Variants in ANKS6 observed in about 807,000 individuals in gnomAD.
The protein encoded by ANKS6 is ankyrin repeat and SAM domain-containing protein 6.
Under a neutral mutation model 77.9 loss-of-function variants are expected in ANKS6, and 47 were observed. The observed-to-expected ratio is 0.60, with a 90% CI of 0.48 to 0.77. ANKS6 has a LOEUF of 0.77. ANKS6 is among the 30% of genes least tolerant of loss of function. ANKS6 has a pLI of 0.00. For synonymous variants in ANKS6, 488 were observed against 501.7 expected (o/e 0.97, Z 0.37); for missense variants, 1,150 against 1,159.1 (o/e 0.99, Z 0.11).
chr9:98,783,300 G>A (rs1361471094), intron 4 of ANKS6, among the ~76,000 whole-genome samples: 1 of 152,086 alleles, frequency 6.6e-6, no homozygotes, highest in African/African-American at 2.4e-5. Context: ...AAGACTCATC[G>A]AATAAGAAAA....
intron 13 of ANKS6, among the ~76,000 whole-genome samples, chr9:98,748,837 TA>T (rs1832282084): frequency 6.6e-6 from 1 of 152,208 alleles, no homozygotes; most frequent in African/African-American, 2.4e-5. Flanking sequence ...TGAAAATTAT[TA>T]GTCTGTCTTT....
chr9:98,732,142 C>A lies in ANKS6; in HGVS notation c.*4377G>T. On this transcript the variant is annotated 3_prime_UTR_variant, in exon 15 of 15. Transcript: ENST00000353234. ...AGGACAGCGACAGGATGGTGCTTCA[C>A]AGTGCCTCCTGCTGATGGCACCTTC... 1 of 305,324 alleles carries A rather than the reference C, an allele frequency of 3.3e-6. No individual in the cohort carries two copies. Among genetic ancestry groups the A allele is most frequent in the Admixed American group, 4.7e-5 (1 of 21,148 alleles). 18.9% of individuals were successfully genotyped at this position (305,324 alleles called of 1,614,324 possible).
chr9:98,786,039 C>T (rs769676761), intron 2 of ANKS6, among the ~76,000 whole-genome samples: 19 of 152,094 alleles, frequency 1.2e-4, no homozygotes, highest in Non-Finnish European at 2.6e-4. Flanking sequence ...AGTGCAGTGG[C>T]GTGATCTTGG....
At chr9:98,749,477 CACA>C (rs1832314712) in intron 13 of ANKS6, among the ~76,000 whole-genome samples, 1 of 152,200 alleles carries the variant, frequency 6.6e-6, no homozygotes, top group Non-Finnish European at 1.5e-5. Context: ...GCTGGACAAC[CACA>C]ACAACCTCTG....
At chr9:98,741,764 C>T (rs1208087896) in intron 14 of ANKS6, among the ~76,000 whole-genome samples, 1 of 152,156 alleles carries the variant, frequency 6.6e-6, no homozygotes, top group Non-Finnish European at 1.5e-5. Context: ...ACGTGGCTTG[C>T]AGGCTGAGGG....
At chr9:98,742,644 A>G (rs2131927848) in intron 14 of ANKS6, among the ~76,000 whole-genome samples, 1 of 152,198 alleles carries the variant, frequency 6.6e-6, no homozygotes, top group East Asian at 1.9e-4. Flanking sequence ...CTGACTTTGC[A>G]GGGTGGATGC....
intron 4 of ANKS6, among the ~76,000 whole-genome samples, chr9:98,782,889 C>T (rs1246779653): frequency 6.6e-6 from 1 of 152,054 alleles, no homozygotes; most frequent in Non-Finnish European, 1.5e-5. Flanking sequence ...TTGAGACCAG[C>T]CTGGGCAACA....
chr9:98,741,889 T>C (rs1246732745), intron 14 of ANKS6, among the ~76,000 whole-genome samples: 1 of 152,246 alleles, frequency 6.6e-6, no homozygotes, highest in East Asian at 1.9e-4. Flanking sequence ...AAATGCTCAA[T>C]CTTATTGATT....
rs1831395687 is a variant in ANKS6 at position 98,734,713 on chromosome 9, C to T, written c.*1806G>A. 1 of 948,160 alleles carries T rather than the reference C, an allele frequency of 1.1e-6. No homozygotes were observed. Among genetic ancestry groups the T allele is most frequent in the African/African-American group, 1.8e-5 (1 of 56,502 alleles). 58.7% of individuals were successfully genotyped at this position (948,160 alleles called of 1,614,324 possible). On this transcript the variant is annotated 3_prime_UTR_variant, in exon 15 of 15. Transcript: ENST00000353234. The stretch of plus-strand genomic sequence containing the variant: ...TTCCCGAATGTGCAAGATGAGGTTA[C>T]ACAATGCCACCTCCAGGGTGGCCAT...
chr9:98,778,087 C>G, intron 7 of ANKS6, 139 bp downstream of exon 7: 8 of 1,043,946 alleles, frequency 7.7e-6, no homozygotes, highest in Non-Finnish European at 9.5e-6. Flanking sequence ...ATCTTTTCCA[C>G]CAGACCAGCC....
At position 98,769,167 on chromosome 9, in the gene ANKS6, G is replaced by A. The variant is rs117800125; in HGVS notation, c.1973-917C>T. On this transcript the variant is annotated intron_variant, in intron 10 of 14. Transcript: ENST00000353234. ...AGAAAGAAAGAAAGAAAAGAAAACA[G>A]TGATAATACCCAGGGCTGGGGGGTG... Among the ~76,000 whole-genome samples the A allele has an allele frequency of 7.1e-3, 1,073 of 151,542 alleles. 8 individuals carry two copies. Among genetic ancestry groups the A allele is most frequent in the Middle Eastern group, 0.01 (3 of 292 alleles).
chr9:98,790,446 G>A lies in ANKS6; in HGVS notation c.520C>T (p.His174Tyr). 2 of 1,613,828 alleles carry A rather than the reference G, an allele frequency of 1.2e-6. No homozygotes were observed. The highest frequency in any genetic ancestry group is 2.2e-5 in the South Asian group (2 of 91,072). The change falls in exon 2 of 15, where the codon CAC (histidine) becomes TAC (tyrosine). Residue 174 changes from histidine to tyrosine, a missense_variant. Physicochemically the swap from His to Tyr is moderately conservative, Grantham distance 83. Coordinates refer to ENST00000353234, the MANE Select transcript of ANKS6 (RefSeq NM_173551.5). ...LEAGAFVDHH[H>Y]PSGEQLGLGG... The stretch of plus-strand genomic sequence containing the variant: ...AACCCCAGTTGCTCGCCTGAAGGGT[G>A]GTGATGGTCCACAAAGGCACCGGCT...
intron 1 of ANKS6, 165 bp downstream of exon 1, chr9:98,795,968 C>T: frequency 1.4e-6 from 1 of 701,986 alleles, no homozygotes. Context: ...AAAGTGTTTC[C>T]ACGTCTATGC....
intron 13 of ANKS6, among the ~76,000 whole-genome samples, chr9:98,749,089 T>G (rs1041685986): frequency 3.9e-5 from 6 of 152,136 alleles, no homozygotes; most frequent in African/African-American, 1.4e-4. Flanking sequence ...AGGAAAACAC[T>G]GGGTTGTGGG....
chr9:98,745,546 CAG>C lies in ANKS6; in HGVS notation c.2511+11_2511+12del. 1.2e-6 allele frequency: 2 copies of C among 1,604,714 alleles called. No homozygotes were observed. Among genetic ancestry groups the C allele is most frequent in the Admixed American group, 1.7e-5 (1 of 60,024 alleles). On this transcript the variant is annotated intron_variant, in intron 14 of 14. Coordinates refer to ENST00000353234, the MANE Select transcript of ANKS6 (RefSeq NM_173551.5). ...GTCTGAAACACGGAAATACAAGAAACAGAGAACGGTACCTTGCCTGCGTTCAG... is the reference window on the plus strand; with the variant it reads ...GTCTGAAACACGGAAATACAAGAAACAGAACGGTACCTTGCCTGCGTTCAG...
At chr9:98,754,418 G>A (rs967479764) in intron 12 of ANKS6, among the ~76,000 whole-genome samples, 8 of 152,004 alleles carry the variant, frequency 5.3e-5, no homozygotes, top group Admixed American at 5.2e-4. Context: ...GAGGCGGGCG[G>A]ATCACGAGGT....
chr9:98,753,845 T>C (rs935696768), intron 12 of ANKS6, among the ~76,000 whole-genome samples: 21 of 152,094 alleles, frequency 1.4e-4, no homozygotes, highest in African/African-American at 5.1e-4. Context: ...GAGTAAAAAA[T>C]ACATTTTAAG....
In ANKS6 at chr9:98,774,098, A is replaced by T; in HGVS notation, c.1618-18T>A. 7.0e-7 allele frequency: 1 copy of T among 1,434,726 alleles called. No homozygotes were observed. The highest frequency in any genetic ancestry group is 9.2e-7 in the Non-Finnish European group (1 of 1,088,526). 88.9% of individuals were successfully genotyped at this position (1,434,726 alleles called of 1,614,324 possible). ...TTTCGAAGCTGAAAAAGACAGGCTG[A>T]GGGTTAGACAAGCCCCCAGGAGGGC... On this transcript the variant is annotated intron_variant, in intron 8 of 14. Transcript: ENST00000353234.
chr9:98,743,092 G>A (rs1027233526), intron 14 of ANKS6, among the ~76,000 whole-genome samples: 1 of 152,166 alleles, frequency 6.6e-6, no homozygotes, highest in African/African-American at 2.4e-5. Flanking sequence ...TTGCCATCTG[G>A]TGGCATCAGC....
Sources: allele counts gnomAD v4.1 joint callset (sites outside exome capture counted in the v4.1 genomes callset), GRCh38; gene constraint gnomAD v4.1.1; transcripts MANE v1.5; gene names NCBI Gene and HGNC (gene_info 2026-07-23, HGNC 2026-07-21).